Variants in MC2R observed in about 807,000 individuals in gnomAD.
MC2R encodes melanocortin 2 receptor.
In MC2R, 9 loss-of-function variants were observed where a neutral mutation model predicts 9.8. The observed-to-expected ratio is 0.92, with a 90% CI of 0.55 to 1.60. The LOEUF (loss-of-function observed/expected upper bound fraction) is 1.60, where lower values mean the gene tolerates loss of function less well. MC2R is among the 40% of genes most tolerant of loss of function. The probability of loss-of-function intolerance (pLI) is 0.00; values close to 1 mark genes in which losing one functional copy is unlikely to be tolerated. For synonymous variants in MC2R, 185 were observed against 154.7 expected (o/e 1.20, Z -1.45); for missense variants, 370 against 389.0 (o/e 0.95, Z 0.41).
chr18:13,889,886 T>C (rs1010792283), intron 1 of MC2R, among the ~76,000 whole-genome samples: 1 of 152,196 alleles, frequency 6.6e-6, no homozygotes, highest in Admixed American at 6.5e-5. Flanking sequence ...GACTCACCCC[T>C]GAGGAGTTGA....
chr18:13,910,934 G>T (rs1442862159), intron 1 of MC2R, among the ~76,000 whole-genome samples: 1 of 152,216 alleles, frequency 6.6e-6, no homozygotes, highest in African/African-American at 2.4e-5. Context: ...ATGGGTGAAA[G>T]CATCATCCCC....
intron 1 of MC2R, among the ~76,000 whole-genome samples, chr18:13,914,110 G>A (rs938733923): frequency 2.0e-5 from 3 of 151,752 alleles, no homozygotes; most frequent in Non-Finnish European, 4.4e-5. Flanking sequence ...CAGTGAGAGG[G>A]CAATTTGCTG....
chr18:13,910,694 G>C (rs2149144057), intron 1 of MC2R, among the ~76,000 whole-genome samples: 1 of 152,294 alleles, frequency 6.6e-6, no homozygotes. Context: ...GCTGGTCCCT[G>C]GTCTAGTCCT....
chr18:13,913,295 G>A (rs1226674243), intron 1 of MC2R, among the ~76,000 whole-genome samples: 5 of 152,122 alleles, frequency 3.3e-5, no homozygotes, highest in Non-Finnish European at 7.4e-5. Context: ...ACTGCTCATG[G>A]CAGGCTTCCT....
At position 13,885,008 on chromosome 18, in the gene MC2R, G is replaced by A; in HGVS notation, c.511C>T (p.His171Tyr). The part of the protein sequence containing the change: ...TGITMVIFSH[H>Y]VPTVITFTSL... ...GTGAAGGTGATCACTGTGGGCACAT[G>A]ATGGGAGAAGATCACCATGGTGATG... The change falls in exon 2 of 2, where the codon CAT (histidine) becomes TAT (tyrosine). Residue 171 changes from histidine (H) to tyrosine (Y), a missense_variant. Coordinates refer to ENST00000327606, the MANE Select transcript of MC2R (RefSeq NM_000529.2). 1.2e-6 allele frequency: 2 copies of A among 1,614,180 alleles called. No homozygotes were observed. Among genetic ancestry groups the A allele is most frequent in the Non-Finnish European group, 1.7e-6 (2 of 1,180,034 alleles).
At chr18:13,887,523 C>T (rs994530198) in intron 1 of MC2R, among the ~76,000 whole-genome samples, 3 of 152,182 alleles carry the variant, frequency 2.0e-5, no homozygotes, top group Admixed American at 1.3e-4. Context: ...TTCAGCCTGA[C>T]TGAGTTTCAG....
intron 1 of MC2R, among the ~76,000 whole-genome samples, chr18:13,891,178 A>C (rs190475163): frequency 1.3e-4 from 20 of 152,316 alleles, no homozygotes; most frequent in Middle Eastern, 6.8e-3. Context: ...ATTCAAAGAG[A>C]GTATATTGTA....
chr18:13,892,502 C>T (rs2045321199), intron 1 of MC2R, among the ~76,000 whole-genome samples: 3 of 152,236 alleles, frequency 2.0e-5, no homozygotes, highest in South Asian at 4.2e-4. Flanking sequence ...GCATGGGTGG[C>T]GGATGAGCCC....
rs1006034489 is a variant in MC2R at position 13,884,170 on chromosome 18, A to G, written c.*455T>C. 2.5e-5 allele frequency: 6 copies of G among 239,858 alleles called. No homozygotes were observed. The highest frequency in any genetic ancestry group is 5.1e-5 in the Admixed American group (1 of 19,622). 14.9% of individuals were successfully genotyped at this position (239,858 alleles called of 1,614,324 possible). ...CCTGGAGTCGCATGTCCAGGTACTTAACTTCTGGAAATTGGCTGCAATGGC... is the reference window on the plus strand; with the variant it reads ...CCTGGAGTCGCATGTCCAGGTACTTGACTTCTGGAAATTGGCTGCAATGGC... On this transcript the variant is annotated 3_prime_UTR_variant, in exon 2 of 2. Coordinates refer to ENST00000327606, the MANE Select transcript of MC2R (RefSeq NM_000529.2).
At chr18:13,907,750 T>C (rs971396560) in intron 1 of MC2R, among the ~76,000 whole-genome samples, 1 of 152,078 alleles carries the variant, frequency 6.6e-6, no homozygotes, top group Non-Finnish European at 1.5e-5. Context: ...AAATAAGACA[T>C]ACAAATGGCC....
chr18:13,884,982 C>A lies in MC2R; in HGVS notation c.537G>T (p.Thr179=), dbSNP rs137893541. The A allele has an allele frequency of 6.2e-7, 1 of 1,613,952 alleles. No homozygotes were observed. Among genetic ancestry groups the A allele is most frequent in the African/African-American group, 1.3e-5 (1 of 74,868 alleles). Reference sequence around the variant, plus strand: ...AGACCAGCATCAGCGGGAACAGCGACGTGAAGGTGATCACTGTGGGCACAT... The same window carrying A: ...AGACCAGCATCAGCGGGAACAGCGAAGTGAAGGTGATCACTGTGGGCACAT... The part of the protein sequence containing the change: ...SHHVPTVITF[T]SLFPLMLVFI... Residue 179 remains threonine, a synonymous_variant, in exon 2 of 2, where the codon ACG becomes ACT. Coordinates refer to ENST00000327606, the MANE Select transcript of MC2R (RefSeq NM_000529.2).
chr18:13,890,015 C>T (rs28635426), intron 1 of MC2R, among the ~76,000 whole-genome samples: 9,507 of 152,196 alleles, frequency 0.062, 915 homozygotes, highest in African/African-American at 0.21. Context: ...CATGAATATT[C>T]ATTTGATAAG....
chr18:13,911,169 C>T (rs1479246180), intron 1 of MC2R, among the ~76,000 whole-genome samples: 1 of 152,128 alleles, frequency 6.6e-6, no homozygotes, highest in Non-Finnish European at 1.5e-5. Context: ...GACTAGGGGC[C>T]AAAGGACACA....
chr18:13,885,213 G>A lies in MC2R; in HGVS notation c.306C>T (p.Ala102=), dbSNP rs750855000. The A allele has an allele frequency of 8.1e-6, 13 of 1,613,984 alleles. No individual in the cohort carries two copies. The highest frequency in any genetic ancestry group is 3.3e-4 in the Middle Eastern group (2 of 6,084). ...CAAACAGGGAGTCGATGATGTCATC[G>A]GCTGTGGTTTCAAAACTGCCACGTG... ...LKPRGSFETT[A]DDIIDSLFVL... Residue 102 remains alanine, a synonymous_variant, in exon 2 of 2, where the codon GCC becomes GCT. Transcript: ENST00000327606.
At chr18:13,898,624 A>G (rs1294003179) in intron 1 of MC2R, among the ~76,000 whole-genome samples, 1 of 152,172 alleles carries the variant, frequency 6.6e-6, no homozygotes, top group African/African-American at 2.4e-5. Context: ...AGTGGTAGTG[A>G]CGAGGTGCTT....
chr18:13,894,615 A>G (rs1455992816), intron 1 of MC2R, among the ~76,000 whole-genome samples: 1 of 152,242 alleles, frequency 6.6e-6, no homozygotes, highest in Non-Finnish European at 1.5e-5. Flanking sequence ...CCTAAAGTAT[A>G]AAATTCTATT....
Position 13,907,037 on chromosome 18 carries a change from G to C in MC2R, c.-129+8451C>G, listed in dbSNP as rs143028787. On this transcript the variant is annotated intron_variant, in intron 1 of 1. Transcript: ENST00000327606. ...TAGAAAAAAATCTAAAATTTATGTGGAATTGCAAAAGACCCTGAATAGCTA... is the reference window on the plus strand; with the variant it reads ...TAGAAAAAAATCTAAAATTTATGTGCAATTGCAAAAGACCCTGAATAGCTA... Among the ~76,000 whole-genome samples, 13 of 152,258 alleles carry C rather than the reference G, an allele frequency of 8.5e-5. No homozygotes were observed. In the East Asian group the frequency reaches 1.9e-3, roughly 23 times the overall value.
chr18:13,886,612 T>C (rs1185767260), intron 1 of MC2R, among the ~76,000 whole-genome samples: 1 of 152,226 alleles, frequency 6.6e-6, no homozygotes, highest in East Asian at 1.9e-4. Context: ...AAGGTGCTGA[T>C]GTATCATTCC....
chr18:13,893,015 T>C (rs2045326109), intron 1 of MC2R, among the ~76,000 whole-genome samples: 1 of 152,198 alleles, frequency 6.6e-6, no homozygotes, highest in African/African-American at 2.4e-5. Flanking sequence ...TTGCAAAGAT[T>C]CTTGTGCTTG....
Sources: gnomAD v4.1 joint callset for allele counts (sites outside exome capture counted in the v4.1 genomes callset) on GRCh38, gnomAD v4.1.1 for gene constraint, MANE v1.5 for transcripts, NCBI Gene and HGNC (gene_info 2026-07-23, HGNC 2026-07-21) for gene names.